Variants in LRP1B observed in about 807,000 individuals in gnomAD.
LRP1B encodes the protein LDL receptor related protein 1B, also known as low-density lipoprotein receptor-related protein 1B.
LRP1B carries 217 observed loss-of-function variants against 556.6 expected under a neutral mutation model. The observed-to-expected ratio is 0.39, with a 90% CI of 0.35 to 0.44. LRP1B has a LOEUF of 0.44. Ranked by LOEUF, LRP1B falls within the 20% of genes least tolerant of loss-of-function variation. The pLI, the probability that LRP1B is intolerant of heterozygous loss-of-function variation, is 1.00. For synonymous variants in LRP1B, 2,047 were observed against 1,865.8 expected, an observed-to-expected ratio of 1.10 and a Z score of -2.50; for missense variants, 5,053 against 5,620.8, an observed-to-expected ratio of 0.90 and a Z score of 3.23.
At chr2:141,008,422 ATTAT>A (rs1240857791) in intron 14 of LRP1B, among the ~76,000 whole-genome samples, 3 of 150,904 alleles carry the variant, frequency 2.0e-5, no homozygotes, top group Non-Finnish European at 4.4e-5. Context: ...AATCATTATA[ATTAT>A]TTATAAATAA....
At chr2:141,765,737 C>T (rs571607129) in intron 2 of LRP1B, among the ~76,000 whole-genome samples, 2 of 152,270 alleles carry the variant, frequency 1.3e-5, no homozygotes, top group South Asian at 4.1e-4. Flanking sequence ...GAGCAAAGGT[C>T]GCTTATAGAG....
chr2:140,453,718 ACTTAAT>A (rs1686972715), intron 62 of LRP1B, among the ~76,000 whole-genome samples: 1 of 152,240 alleles, frequency 6.6e-6, no homozygotes, highest in African/African-American at 2.4e-5. Flanking sequence ...TATGAATTGA[ACTTAAT>A]CTTAATTTTT....
At chr2:141,988,939 T>C (rs1248271997) in intron 1 of LRP1B, among the ~76,000 whole-genome samples, 6 of 152,058 alleles carry the variant, frequency 3.9e-5, no homozygotes, top group Admixed American at 6.6e-5. Context: ...ATATTTCTAC[T>C]AGAATCCTTA....
chr2:140,314,824 T>C lies in LRP1B; in HGVS notation c.12805+111A>G, dbSNP rs186961433. On this transcript the variant is annotated intron_variant, in intron 83 of 90. Coordinates refer to ENST00000389484, the MANE Select transcript of LRP1B (RefSeq NM_018557.3). ...ATTTTGTGTTATTATATTGTGTTAG[T>C]CTATTGTTCATTAAGATATTAGGAA... The C allele has an allele frequency of 2.8e-5, 20 of 708,896 alleles. No homozygotes were observed. The African/African-American group carries it at 3.3e-4, about 12-fold the overall frequency. 43.9% of individuals were successfully genotyped at this position (708,896 alleles called of 1,614,324 possible).
At chr2:140,642,987 C>T (rs933141187) in intron 41 of LRP1B, among the ~76,000 whole-genome samples, 1 of 152,106 alleles carries the variant, frequency 6.6e-6, no homozygotes, top group South Asian at 2.1e-4. Flanking sequence ...TATATTCCAT[C>T]TTGTGATGAA....
chr2:140,663,634 C>T (rs768505201), intron 41 of LRP1B, among the ~76,000 whole-genome samples: 3 of 152,154 alleles, frequency 2.0e-5, no homozygotes, highest in Non-Finnish European at 2.9e-5. Context: ...ATGGGAATGT[C>T]GTGGCTGGTT....
At chr2:140,771,031 A>C in intron 33 of LRP1B, 25 bp from the exon 34 acceptor site, 1 of 1,532,412 alleles carries the variant, frequency 6.5e-7, no homozygotes, top group Non-Finnish European at 8.7e-7. Context: ...AATGAAACAA[A>C]TTTCTTTAAT....
chr2:140,670,641 G>C (rs995710757), intron 41 of LRP1B, among the ~76,000 whole-genome samples: 13 of 151,704 alleles, frequency 8.6e-5, no homozygotes, highest in Non-Finnish European at 1.9e-4. Context: ...CTGAACTGAG[G>C]AACCAATGTT....
At chr2:141,712,472 T>A (rs913358064) in intron 2 of LRP1B, among the ~76,000 whole-genome samples, 2 of 151,834 alleles carry the variant, frequency 1.3e-5, no homozygotes, top group Non-Finnish European at 2.9e-5. Context: ...CCCAAAGGAG[T>A]GGCCGTGGGA....
At chr2:141,924,265 C>T (rs945980285) in intron 1 of LRP1B, among the ~76,000 whole-genome samples, 2 of 151,874 alleles carry the variant, frequency 1.3e-5, no homozygotes, top group Non-Finnish European at 2.9e-5. Flanking sequence ...AGGAGGAGTA[C>T]AGCTGGGAGT....
At chr2:141,366,496 G>A (rs1343260867) in intron 3 of LRP1B, among the ~76,000 whole-genome samples, 1 of 152,180 alleles carries the variant, frequency 6.6e-6, no homozygotes, top group African/African-American at 2.4e-5. Flanking sequence ...ATCTCAAAAT[G>A]ATATTACCTA....
intron 11 of LRP1B, among the ~76,000 whole-genome samples, chr2:141,022,068 CA>C (rs1381572023): frequency 6.6e-6 from 1 of 151,378 alleles, no homozygotes; most frequent in African/African-American, 2.4e-5. Context: ...GCATTTTTAC[CA>C]GTGACTAACT....
intron 35 of LRP1B, among the ~76,000 whole-genome samples, chr2:140,755,015 T>TA (rs35691427): frequency 0.33 from 49,725 of 151,106 alleles, 8,309 homozygotes; most frequent in South Asian, 0.4. Flanking sequence ...GATACAGAAA[T>TA]AAAAAAAGAA....
At chr2:140,524,194 C>G (rs1006933450) in intron 49 of LRP1B, among the ~76,000 whole-genome samples, 3 of 151,620 alleles carry the variant, frequency 2.0e-5, no homozygotes, top group Admixed American at 1.3e-4. Context: ...CAAAAGAAGA[C>G]ATAAAAGTGG....
chr2:140,546,905 A>T lies in LRP1B; in HGVS notation c.7195-4934T>A, dbSNP rs139657541. ...AAAAGCCTTTTTTGCATCTATTGAG[A>T]TAATCATGTGTTTTTTTTGTATTTA... is the stretch of plus-strand genomic sequence containing the variant. On this transcript the variant is annotated intron_variant, in intron 43 of 90. Transcript: ENST00000389484. Among the ~76,000 whole-genome samples the T allele has an allele frequency of 2.0e-4, 30 of 152,154 alleles. No individual in the cohort carries two copies. In the East Asian group the frequency reaches 5.8e-3, roughly 29 times the overall value.
chr2:141,989,617 G>C (rs777611758), intron 1 of LRP1B, among the ~76,000 whole-genome samples: 15 of 152,074 alleles, frequency 9.9e-5, no homozygotes, highest in Non-Finnish European at 2.1e-4. Flanking sequence ...GTGTGAGAGT[G>C]GGACCAGGTA....
chr2:141,785,520 C>T (rs1269607598), intron 2 of LRP1B, among the ~76,000 whole-genome samples: 1 of 151,648 alleles, frequency 6.6e-6, no homozygotes, highest in Non-Finnish European at 1.5e-5. Flanking sequence ...TTCATAATCA[C>T]AACTATGTAT....
intron 2 of LRP1B, among the ~76,000 whole-genome samples, chr2:141,530,956 ATT>A (rs200784132): frequency 6.8e-6 from 1 of 146,256 alleles, no homozygotes. Context: ...AGATGTTTGG[ATT>A]TTTTTTTTTT....
At chr2:142,125,164 T>C (rs539561384) in intron 1 of LRP1B, among the ~76,000 whole-genome samples, 1 of 151,918 alleles carries the variant, frequency 6.6e-6, no homozygotes, top group East Asian at 1.9e-4. Flanking sequence ...AGGGAGGCCA[T>C]CTGATCATTT....
Sources: gnomAD v4.1 joint callset for allele counts (sites outside exome capture counted in the v4.1 genomes callset) on GRCh38, gnomAD v4.1.1 for gene constraint, MANE v1.5 for transcripts, NCBI Gene and HGNC (gene_info 2026-07-23, HGNC 2026-07-21) for gene names.